GRIN3A: variants seen among roughly 807,000 people sequenced by gnomAD.
GRIN3A encodes the protein glutamate ionotropic receptor NMDA type subunit 3A.
GRIN3A carries 47 observed loss-of-function variants against 92.4 expected under a neutral mutation model. The observed-to-expected ratio is 0.51, with a 90% CI of 0.40 to 0.65. The LOEUF (loss-of-function observed/expected upper bound fraction) is 0.65. GRIN3A is among the 30% of genes least tolerant of loss of function. The pLI, the probability that GRIN3A is intolerant of heterozygous loss-of-function variation, is 0.00. For missense variants in GRIN3A, 1,324 were observed against 1,393.1 expected, an observed-to-expected ratio of 0.95 and a Z score of 0.79; for synonymous variants, 527 against 540.6, an observed-to-expected ratio of 0.97 and a Z score of 0.35.
chr9:101,596,130 T>A (rs1044692658), intron 6 of GRIN3A, among the ~76,000 whole-genome samples: 7 of 152,188 alleles, frequency 4.6e-5, no homozygotes, highest in Non-Finnish European at 8.8e-5. Flanking sequence ...CTTTAAAAAA[T>A]GTTGGCAAGT....
intron 6 of GRIN3A, among the ~76,000 whole-genome samples, chr9:101,609,582 T>C (rs1269867291): frequency 6.6e-6 from 1 of 152,226 alleles, no homozygotes; most frequent in East Asian, 1.9e-4. Flanking sequence ...CATAGGTTTA[T>C]GTTAATAATT....
At chr9:101,613,108 C>T (rs1343491012) in intron 6 of GRIN3A, among the ~76,000 whole-genome samples, 2 of 152,176 alleles carry the variant, frequency 1.3e-5, no homozygotes, top group East Asian at 3.8e-4. Flanking sequence ...TTCTTCTGCA[C>T]TTGTGGATAG....
At chr9:101,661,429 C>T (rs952961759) in intron 3 of GRIN3A, among the ~76,000 whole-genome samples, 8 of 151,780 alleles carry the variant, frequency 5.3e-5, no homozygotes, top group Non-Finnish European at 1.5e-5. Flanking sequence ...TCCTTCCAGT[C>T]ATGTCCCTTT....
At chr9:101,594,266 A>T in intron 6 of GRIN3A, 1 of 1,049,130 alleles carries the variant, frequency 9.5e-7, no homozygotes, top group South Asian at 1.7e-5. Flanking sequence ...TGAGTTGGTG[A>T]TGAAGCTCCT....
At chr9:101,655,364 C>G (rs1157539715) in intron 3 of GRIN3A, among the ~76,000 whole-genome samples, 1 of 151,942 alleles carries the variant, frequency 6.6e-6, no homozygotes, top group Non-Finnish European at 1.5e-5. Context: ...AGATATTCAG[C>G]TCCTTGAAAG....
At chr9:101,669,946 GC>G in intron 3 of GRIN3A, 113 bp downstream of exon 3, 2 of 804,698 alleles carry the variant, frequency 2.5e-6, no homozygotes, top group East Asian at 5.2e-5. Context: ...TCTATACTTG[GC>G]TGAGAGAATA....
chr9:101,605,884 A>G (rs921477209), intron 6 of GRIN3A, among the ~76,000 whole-genome samples: 4 of 152,224 alleles, frequency 2.6e-5, no homozygotes, highest in Admixed American at 6.5e-5. Context: ...GTACTCAATA[A>G]CAACGGAGGA....
At position 101,671,049 on chromosome 9, in the gene GRIN3A, T is replaced by G; in HGVS notation, c.1363A>C (p.Thr455Pro). The change falls in exon 3 of 9, where the codon ACC becomes CCC. Residue 455 changes from threonine (T) to proline (P), a missense_variant. Thr to Pro is a conservative substitution (Grantham distance 38, BLOSUM62 -1). Transcript: ENST00000361820. ...AAGTTGTTTTCTGAGCTGACGATGG[T>G]GGAACCTTTTACTCTGATGGAACCA... ...LSGSIRVKGS[T>P]IVSSENNFFI... 1 of 1,613,884 alleles carries G rather than the reference T, an allele frequency of 6.2e-7. No homozygotes were observed. Among genetic ancestry groups the G allele is most frequent in the South Asian group, 1.1e-5 (1 of 91,072 alleles).
At chr9:101,644,038 T>A (rs777572612) in intron 3 of GRIN3A, among the ~76,000 whole-genome samples, 44 of 151,872 alleles carry the variant, frequency 2.9e-4, no homozygotes, top group Non-Finnish European at 5.7e-4. Flanking sequence ...TCTTACTATA[T>A]CAAAACAAAA....
chr9:101,715,494 T>C (rs912716552), intron 1 of GRIN3A, among the ~76,000 whole-genome samples: 17 of 152,288 alleles, frequency 1.1e-4, no homozygotes, highest in African/African-American at 4.1e-4. Context: ...ATGTAACAAA[T>C]GCTAGGATAA....
At chr9:101,601,568 T>C (rs771775815) in intron 6 of GRIN3A, among the ~76,000 whole-genome samples, 3 of 152,180 alleles carry the variant, frequency 2.0e-5, no homozygotes, top group Non-Finnish European at 4.4e-5. Context: ...CAGACATTTA[T>C]TGTCCCCTAG....
At chr9:101,651,722 G>A (rs966382078) in intron 3 of GRIN3A, among the ~76,000 whole-genome samples, 1 of 151,344 alleles carries the variant, frequency 6.6e-6, no homozygotes, top group African/African-American at 2.4e-5. Context: ...GTTATTATAA[G>A]TCTGTAAATT....
chr9:101,725,596 A>C (rs981319266), intron 1 of GRIN3A, among the ~76,000 whole-genome samples: 1 of 152,218 alleles, frequency 6.6e-6, no homozygotes, highest in Non-Finnish European at 1.5e-5. Flanking sequence ...GCCACACACA[A>C]AGAGATAAAT....
intron 6 of GRIN3A, among the ~76,000 whole-genome samples, chr9:101,587,916 T>TTTTATTTA (rs537190845): frequency 2.2e-4 from 34 of 152,144 alleles, no homozygotes; most frequent in African/African-American, 8.2e-4. Flanking sequence ...CTGGTATCTA[T>TTTTATTTA]TTTATTTATT....
At chr9:101,646,612 G>T (rs374195865) in intron 3 of GRIN3A, among the ~76,000 whole-genome samples, 1 of 148,638 alleles carries the variant, frequency 6.7e-6, no homozygotes, top group Non-Finnish European at 1.5e-5. Context: ...TTTGGGTAGT[G>T]GGAACATTTT....
Position 101,680,968 on chromosome 9 carries a change from C to T in GRIN3A, c.1304+5628G>A, listed in dbSNP as rs12340167. On this transcript the variant is annotated intron_variant, in intron 2 of 8. Transcript: ENST00000361820. ...TAATTAGTCAAAGGGTTAGGGACTT[C>T]TTAGGCCAAGAACAACAATGTGTCT... is the stretch of plus-strand genomic sequence containing the variant. Among the ~76,000 whole-genome samples, 1,109 of 152,284 alleles carry T rather than the reference C, an allele frequency of 7.3e-3. 12 individuals are homozygous for T. The highest frequency in any genetic ancestry group is 0.026 in the African/African-American group (1,070 of 41,560).
intron 1 of GRIN3A, among the ~76,000 whole-genome samples, chr9:101,699,110 T>C (rs975793849): frequency 8.5e-5 from 13 of 152,264 alleles, no homozygotes; most frequent in African/African-American, 2.4e-4. Flanking sequence ...AAATGTTTTC[T>C]TCCTTTATAT....
chr9:101,622,495 G>A (rs535811393), intron 5 of GRIN3A, among the ~76,000 whole-genome samples: 1 of 152,274 alleles, frequency 6.6e-6, no homozygotes, highest in South Asian at 2.1e-4. Context: ...TACCGACAAA[G>A]CAATCTTTCT....
intron 1 of GRIN3A, among the ~76,000 whole-genome samples, chr9:101,711,601 T>A (rs1829880022): frequency 6.6e-6 from 1 of 152,140 alleles, no homozygotes; most frequent in Non-Finnish European, 1.5e-5. Context: ...GTCTTTTCTG[T>A]CTCTGATTTG....
Sources: allele counts gnomAD v4.1 joint callset (sites outside exome capture counted in the v4.1 genomes callset), GRCh38; gene constraint gnomAD v4.1.1; transcripts MANE v1.5; gene names NCBI Gene and HGNC (gene_info 2026-07-23, HGNC 2026-07-21).